FIGN: variants seen among roughly 807,000 people sequenced by gnomAD.
The protein encoded by FIGN is fidgetin, microtubule severing factor.
Under a neutral mutation model 51.3 loss-of-function variants are expected in FIGN, and 11 were observed. The observed-to-expected ratio is 0.21, with a 90% CI of 0.13 to 0.35. The LOEUF (loss-of-function observed/expected upper bound fraction) is 0.35, where lower values mean the gene tolerates loss of function less well. Among genes scored for constraint, FIGN ranks in the 10% least tolerant of loss-of-function variants. The pLI, the probability that FIGN is intolerant of heterozygous loss-of-function variation, is 1.00. For missense variants in FIGN, 857 were observed against 943.6 expected, an observed-to-expected ratio of 0.91 and a Z score of 1.20; for synonymous variants, 407 against 363.2, an observed-to-expected ratio of 1.12 and a Z score of -1.37.
At chr2:163,645,521 G>A (rs1031470378) in intron 2 of FIGN, among the ~76,000 whole-genome samples, 5 of 152,116 alleles carry the variant, frequency 3.3e-5, no homozygotes, top group African/African-American at 1.2e-4. Flanking sequence ...ATGGCTTCTG[G>A]GGAAAATTCT....
At chr2:163,735,494 G>C (rs1329030483) in intron 1 of FIGN, among the ~76,000 whole-genome samples, 1 of 152,128 alleles carries the variant, frequency 6.6e-6, no homozygotes, top group Non-Finnish European at 1.5e-5. Flanking sequence ...CCACCCTATG[G>C]CTCCGCTTTC....
chr2:163,687,877 A>T (rs1477955420), intron 2 of FIGN, among the ~76,000 whole-genome samples: 2 of 152,196 alleles, frequency 1.3e-5, no homozygotes, highest in Non-Finnish European at 2.9e-5. Flanking sequence ...AAAGACCAAC[A>T]TTCCTAAACA....
chr2:163,606,342 A>G lies in FIGN; in HGVS notation c.*3210T>C, dbSNP rs929671960. ...ACCTCTTGAATTTCTATTGATCCCA[A>G]TACTGAAGTGGTTTCCTTCACTTCC... On this transcript the variant is annotated 3_prime_UTR_variant, in exon 3 of 3. Transcript: ENST00000333129. The G allele has an allele frequency of 2.0e-5, 3 of 152,164 alleles. No homozygotes were observed. Among genetic ancestry groups the G allele is most frequent in the Admixed American group, 1.3e-4 (2 of 15,252 alleles). The allele number at this position is 152,164 out of a possible 1,614,324, so 9.4% of individuals were successfully genotyped here. A position where few individuals can be genotyped will look rare whatever the true frequency, so the allele number is the denominator to read the frequency against.
At chr2:163,664,747 A>T (rs1322961281) in intron 2 of FIGN, among the ~76,000 whole-genome samples, 1 of 152,244 alleles carries the variant, frequency 6.6e-6, no homozygotes, top group African/African-American at 2.4e-5. Flanking sequence ...TTAAAAATTA[A>T]GCTATGTGAG....
chr2:163,637,324 C>T (rs1430441088), intron 2 of FIGN, among the ~76,000 whole-genome samples: 1 of 152,184 alleles, frequency 6.6e-6, no homozygotes, highest in Admixed American at 6.5e-5. Context: ...TTATGTTCTT[C>T]TGGGGGTTTA....
intron 2 of FIGN, among the ~76,000 whole-genome samples, chr2:163,655,040 TG>T (rs916934784): frequency 9.9e-5 from 15 of 152,154 alleles, no homozygotes; most frequent in Non-Finnish European, 1.9e-4. Context: ...ACATTCCCCG[TG>T]TTAAAAATGT....
rs1308900698 is a variant in FIGN at position 163,676,472 on chromosome 2, TATATATATATAA to T, written c.25+58419_25+58430del. Among the ~76,000 whole-genome samples, 808 of 106,662 alleles carry T rather than the reference TATATATATATAA, an allele frequency of 7.6e-3. 31 individuals are homozygous for T. The highest frequency in any genetic ancestry group is 0.01 in the Non-Finnish European group (548 of 52,642). The allele number at this position is 106,662 out of a possible 152,430, so 70.0% of individuals were successfully genotyped here. ...ATATATATATATATATATATATATA[TATATATATATAA>T]CTAGAGTCTGTGCACCCGAATCTGA... On this transcript the variant is annotated intron_variant, in intron 2 of 2. Transcript: ENST00000333129.
chr2:163,686,957 C>G (rs1332388218), intron 2 of FIGN, among the ~76,000 whole-genome samples: 2 of 151,326 alleles, frequency 1.3e-5, no homozygotes, highest in Non-Finnish European at 2.9e-5. Flanking sequence ...TTAAAATAAT[C>G]AGTCATTACT....
At chr2:163,719,711 T>G (rs1183428390) in intron 2 of FIGN, among the ~76,000 whole-genome samples, 1 of 152,172 alleles carries the variant, frequency 6.6e-6, no homozygotes, top group Non-Finnish European at 1.5e-5. Context: ...GCAGCCTGCA[T>G]GATAACCCAA....
At chr2:163,710,331 A>G (rs915198769) in intron 2 of FIGN, among the ~76,000 whole-genome samples, 1 of 152,216 alleles carries the variant, frequency 6.6e-6, no homozygotes, top group Non-Finnish European at 1.5e-5. Context: ...TACAAGCTAC[A>G]CTTTCGTGGA....
At chr2:163,695,538 C>G (rs1488823643) in intron 2 of FIGN, among the ~76,000 whole-genome samples, 1 of 152,208 alleles carries the variant, frequency 6.6e-6, no homozygotes, top group Non-Finnish European at 1.5e-5. Flanking sequence ...CACACACACA[C>G]ACACATATTT....
At chr2:163,649,459 G>A (rs1683435865) in intron 2 of FIGN, among the ~76,000 whole-genome samples, 1 of 152,164 alleles carries the variant, frequency 6.6e-6, no homozygotes, top group Non-Finnish European at 1.5e-5. Context: ...GCCACATGGA[G>A]AGGTCACATA....
intron 2 of FIGN, chr2:163,612,481 G>A (rs1483326047): frequency 4.1e-6 from 4 of 985,092 alleles, no homozygotes; most frequent in Non-Finnish European, 4.8e-6. Context: ...GTGCAGCAAA[G>A]CAATCTCCCA....
At chr2:163,622,114 C>A (rs560391788) in intron 2 of FIGN, among the ~76,000 whole-genome samples, 3 of 152,256 alleles carry the variant, frequency 2.0e-5, no homozygotes, top group East Asian at 1.9e-4. Flanking sequence ...CAACTCAATT[C>A]TCTTCTGTTG....
At position 163,725,301 on chromosome 2, in the gene FIGN, G is replaced by A. The variant is rs534925966; in HGVS notation, c.25+9602C>T. Among the ~76,000 whole-genome samples, 51 of 151,914 alleles carry A rather than the reference G, an allele frequency of 3.4e-4. No individual in the cohort carries two copies. In the South Asian group the frequency reaches 6.7e-3, roughly 20 times the overall value. On this transcript the variant is annotated intron_variant, in intron 2 of 2. Coordinates refer to ENST00000333129, the MANE Select transcript of FIGN (RefSeq NM_018086.4). ...AAAGAAAAAAACAGCTCTTCAAAACGGTACACAGCTAGGTAGGTAGGAAGA... is the reference window on the plus strand; with the variant it reads ...AAAGAAAAAAACAGCTCTTCAAAACAGTACACAGCTAGGTAGGTAGGAAGA...
At chr2:163,634,078 ACGTATGTATG>A (rs1282408985) in intron 2 of FIGN, among the ~76,000 whole-genome samples, 1 of 138,338 alleles carries the variant, frequency 7.2e-6, no homozygotes, top group Non-Finnish European at 1.6e-5. Flanking sequence ...TCTTTTCTGT[ACGTATGTATG>A]CGTGTGTGTG....
intron 2 of FIGN, among the ~76,000 whole-genome samples, chr2:163,665,443 G>T (rs565444742): frequency 6.6e-6 from 1 of 152,374 alleles, no homozygotes; most frequent in South Asian, 2.1e-4. Flanking sequence ...TTTTAGCAGA[G>T]TTAGGGAAAA....
chr2:163,626,177 A>AATT (rs1683051151), intron 2 of FIGN, among the ~76,000 whole-genome samples: 1 of 152,186 alleles, frequency 6.6e-6, no homozygotes, highest in Admixed American at 6.6e-5. Context: ...TCTTTGAATT[A>AATT]CAAAGTAGAG....
chr2:163,696,834 A>ATT (rs773678447), intron 2 of FIGN, among the ~76,000 whole-genome samples: 10 of 135,730 alleles, frequency 7.4e-5, no homozygotes, highest in East Asian at 2.2e-4. Context: ...TGTCTGGCTA[A>ATT]TTTTTTTTTT....
Sources: gnomAD v4.1 joint callset for allele counts (sites outside exome capture counted in the v4.1 genomes callset) on GRCh38, gnomAD v4.1.1 for gene constraint, MANE v1.5 for transcripts, NCBI Gene and HGNC (gene_info 2026-07-23, HGNC 2026-07-21) for gene names.